Variants in PROKR1 observed in about 807,000 individuals in gnomAD.
PROKR1 encodes the protein G protein-coupled receptor 73.
PROKR1 carries 21 observed loss-of-function variants against 22.8 expected under a neutral mutation model. The observed-to-expected ratio is 0.92, with a 90% confidence interval of 0.65 to 1.32. The LOEUF (loss-of-function observed/expected upper bound fraction) is 1.32, where lower values mean the gene tolerates loss of function less well. PROKR1 is among the 40% of genes most tolerant of loss of function. The pLI, the probability that PROKR1 is intolerant of heterozygous loss-of-function variation, is 0.00. For missense variants in PROKR1, 548 were observed against 514.2 expected, an observed-to-expected ratio of 1.07 and a Z score of -0.64; for synonymous variants, 193 against 207.5, an observed-to-expected ratio of 0.93 and a Z score of 0.60.
intron 2 of PROKR1, 28 bp from the exon 3 acceptor site, chr2:68,654,852 G>A: frequency 6.4e-7 from 1 of 1,551,620 alleles, no homozygotes. Flanking sequence ...TCTCACAGTG[G>A]CTGCCTCCAC....
intron 1 of PROKR1, among the ~76,000 whole-genome samples, chr2:68,644,916 CAG>C (rs141043787): frequency 0.011 from 1,739 of 152,270 alleles, 22 homozygotes; most frequent in African/African-American, 0.04. Context: ...TTGCAGCTGA[CAG>C]AGGAGGCCTG....
rs1391555454 is a variant in PROKR1, at chr2:68,657,085, C to G, written c.*1509C>G. ...ATCTGAGAGCCAGACTTGACTCTGT[C>G]AACTGTGTAGCCCTGGGCAAAGCCT... On this transcript the variant is annotated 3_prime_UTR_variant, in exon 3 of 3. Transcript: ENST00000303786. 2 of 152,194 alleles carry G rather than the reference C, an allele frequency of 1.3e-5. No individual in the cohort carries two copies. The highest frequency in any genetic ancestry group is 2.9e-5 in the Non-Finnish European group (2 of 68,054). The allele number at this position is 152,194 out of a possible 1,614,324, so 9.4% of individuals were successfully genotyped here. A position where few individuals can be genotyped will look rare whatever the true frequency, so the allele number is the denominator to read the frequency against.
intron 2 of PROKR1, among the ~76,000 whole-genome samples, chr2:68,648,278 G>A (rs1430570471): frequency 1.3e-5 from 2 of 152,152 alleles, no homozygotes; most frequent in Non-Finnish European, 1.5e-5. Context: ...ACATGTAAGA[G>A]TGATATCTAT....
At chr2:68,648,165 A>G (rs1368377279) in intron 2 of PROKR1, among the ~76,000 whole-genome samples, 11 of 152,128 alleles carry the variant, frequency 7.2e-5, no homozygotes, top group Non-Finnish European at 1.5e-5. Context: ...TACTCCCCGG[A>G]TGAGATCCAT....
intron 2 of PROKR1, among the ~76,000 whole-genome samples, chr2:68,647,503 AG>A (rs1185673731): frequency 6.6e-6 from 1 of 152,092 alleles, no homozygotes; most frequent in Non-Finnish European, 1.5e-5. Context: ...CAAGGATCTG[AG>A]GGGGTTTGAC....
intron 1 of PROKR1, among the ~76,000 whole-genome samples, chr2:68,644,962 T>A (rs1673142523): frequency 6.6e-6 from 1 of 152,164 alleles, no homozygotes; most frequent in South Asian, 2.1e-4. Context: ...AGTTCTAGGG[T>A]GTAACACTCT....
chr2:68,646,156 C>G lies in PROKR1; in HGVS notation c.335C>G (p.Ala112Gly), dbSNP rs375260445. Residue 112 changes from alanine to glycine, a missense_variant, in exon 2 of 3, where the codon GCC becomes GGC. By Grantham distance (60) the Ala-to-Gly change is moderately conservative. Coordinates refer to ENST00000303786, the MANE Select transcript of PROKR1 (RefSeq NM_138964.4). ...CTGGCCATCTCTGACTTCCTGGTGG[C>G]CATTGTCTGCTGCCCCTTTGAGATG... ...ANLAISDFLV[A>G]IVCCPFEMDY... 1.2e-6 allele frequency: 2 copies of G among 1,607,952 alleles called. No individual in the cohort carries two copies. The highest frequency in any genetic ancestry group is 1.7e-6 in the Non-Finnish European group (2 of 1,176,250).
At chr2:68,646,776 A>T (rs1673187950) in intron 2 of PROKR1, among the ~76,000 whole-genome samples, 1 of 152,208 alleles carries the variant, frequency 6.6e-6, no homozygotes, top group Non-Finnish European at 1.5e-5. Context: ...GGCTGTGGTA[A>T]ACAGTTCAAG....
Position 68,655,916 on chromosome 2 carries a change from G to C in PROKR1, c.*340G>C. On this transcript the variant is annotated 3_prime_UTR_variant, in exon 3 of 3. Coordinates refer to ENST00000303786, the MANE Select transcript of PROKR1 (RefSeq NM_138964.4). Reference sequence around the variant, plus strand: ...TAAGGGAGTTTCCACAAAAGAACTGGAGTAGGTATCTAGGATTGCAGTACA... The same window carrying C: ...TAAGGGAGTTTCCACAAAAGAACTGCAGTAGGTATCTAGGATTGCAGTACA... 2.7e-6 allele frequency: 1 copy of C among 377,056 alleles called. No homozygotes were observed. The highest frequency in any genetic ancestry group is 4.0e-5 in the Admixed American group (1 of 25,304). 23.4% of individuals were successfully genotyped at this position (377,056 alleles called of 1,614,324 possible). A position where few individuals can be genotyped will look rare whatever the true frequency, so the allele number is the denominator to read the frequency against.
chr2:68,646,419 A>G, intron 2 of PROKR1, 113 bp downstream of exon 2: 3 of 1,461,044 alleles, frequency 2.1e-6, no homozygotes, highest in Non-Finnish European at 2.8e-6. Flanking sequence ...TATTCCCCCT[A>G]GATGTGGTTG....
At chr2:68,646,349 G>A in intron 2 of PROKR1, 43 bp downstream of exon 2, 1 of 1,611,754 alleles carries the variant, frequency 6.2e-7, no homozygotes, top group Non-Finnish European at 8.5e-7. Context: ...GGTCAGGGAG[G>A]AAGGGGCATT....
intron 1 of PROKR1, among the ~76,000 whole-genome samples, chr2:68,645,114 T>C (rs1673145344): frequency 6.6e-6 from 1 of 152,214 alleles, no homozygotes; most frequent in Non-Finnish European, 1.5e-5. Flanking sequence ...TTCTCATCAC[T>C]TGGTTAGTCA....
At chr2:68,652,038 G>C (rs1673342537) in intron 2 of PROKR1, among the ~76,000 whole-genome samples, 1 of 152,214 alleles carries the variant, frequency 6.6e-6, no homozygotes, top group South Asian at 2.1e-4. Flanking sequence ...AAGGCAAGAG[G>C]AGGGGGCATC....
intron 2 of PROKR1, among the ~76,000 whole-genome samples, chr2:68,654,506 T>C (rs1180652150): frequency 6.6e-6 from 1 of 152,172 alleles, no homozygotes; most frequent in Non-Finnish European, 1.5e-5. Flanking sequence ...CCACGTACCA[T>C]TGGGAGTTTC....
chr2:68,655,615 C>T lies in PROKR1; in HGVS notation c.*39C>T. ...GCAAAGTTTAAACACAAAGCAGGGT[C>T]CTGTGGACACTGACTAGTGTGCTTG... On this transcript the variant is annotated 3_prime_UTR_variant, in exon 3 of 3. Transcript: ENST00000303786. 1 of 1,578,458 alleles carries T rather than the reference C, an allele frequency of 6.3e-7. No individual in the cohort carries two copies. The highest frequency in any genetic ancestry group is 8.7e-7 in the Non-Finnish European group (1 of 1,152,812).
intron 2 of PROKR1, among the ~76,000 whole-genome samples, chr2:68,651,594 T>G (rs1039474350): frequency 4.6e-5 from 7 of 152,068 alleles, no homozygotes; most frequent in Non-Finnish European, 8.8e-5. Flanking sequence ...CACCCAACCT[T>G]AGGAAGCACA....
chr2:68,652,905 ACT>A (rs1414592576), intron 2 of PROKR1, among the ~76,000 whole-genome samples: 1 of 152,136 alleles, frequency 6.6e-6, no homozygotes, highest in African/African-American at 2.4e-5. Context: ...TTGAAAACAC[ACT>A]CTGTGTTTGA....
chr2:68,654,802 G>A, intron 2 of PROKR1, 78 bp from the exon 3 acceptor site: 1 of 1,226,858 alleles, frequency 8.2e-7, no homozygotes, highest in Non-Finnish European at 1.1e-6. Context: ...GCAAAACCCT[G>A]TTTCAAAAAA....
intron 2 of PROKR1, among the ~76,000 whole-genome samples, chr2:68,648,198 A>ACC (rs1673232768): frequency 6.6e-6 from 1 of 152,146 alleles, no homozygotes; most frequent in Non-Finnish European, 1.5e-5. Flanking sequence ...ACGGAGTAAC[A>ACC]ATGGTAGGAG....
Sources: gnomAD v4.1 joint callset for allele counts (sites outside exome capture counted in the v4.1 genomes callset) on GRCh38, gnomAD v4.1.1 for gene constraint, MANE v1.5 for transcripts, NCBI Gene and HGNC (gene_info 2026-07-23, HGNC 2026-07-21) for gene names.